MYH16: variants seen among roughly 807,000 people sequenced by gnomAD.
MYH16 encodes putative uncharacterized protein MYH16.
chr7:99,261,322 C>G (rs1232875519), intron 12 of MYH16: 2 of 152,728 alleles, frequency 1.3e-5, no homozygotes, highest in Non-Finnish European at 1.5e-5. Flanking sequence ...TGTCACTGCA[C>G]AGAGTCCTGC....
chr7:99,289,407 G>A lies in MYH16; in HGVS notation n.3824+3G>A. 2.3e-6 allele frequency: 1 copy of A among 431,018 alleles called. No homozygotes were observed. Among genetic ancestry groups the A allele is most frequent in the Non-Finnish European group, 4.7e-6 (1 of 214,306 alleles). The allele number at this position is 431,018 out of a possible 1,614,324, so 26.7% of individuals were successfully genotyped here. A position where few individuals can be genotyped will look rare whatever the true frequency, so the allele number is the denominator to read the frequency against. Reference sequence around the variant, plus strand: ...TGCCATCAGGACCCGCCTCCAAGGTGAGCCCTCTCCGCCCTGAGCTTGCTA... The same window carrying A: ...TGCCATCAGGACCCGCCTCCAAGGTAAGCCCTCTCCGCCCTGAGCTTGCTA... On this transcript the variant is annotated splice_donor_region_variant and intron_variant and non_coding_transcript_variant, in intron 30 of 41. Coordinates refer to ENST00000439784, the Ensembl canonical transcript of MYH16.
intron 11 of MYH16, chr7:99,258,540 T>A (rs897964427): frequency 6.6e-6 from 1 of 152,364 alleles, no homozygotes; most frequent in African/African-American, 2.4e-5. Flanking sequence ...GATCTCTGAC[T>A]TTTGGACTCC....
intron 18 of MYH16, among the ~76,000 whole-genome samples, chr7:99,268,004 A>G (rs1463040518): frequency 6.6e-6 from 1 of 152,204 alleles, no homozygotes; most frequent in Non-Finnish European, 1.5e-5. Context: ...CCTCTAATGC[A>G]TCTGGTCACT....
chr7:99,308,245 A>C (rs1299194179), downstream of MYH16, among the ~76,000 whole-genome samples: 1 of 146,486 alleles, frequency 6.8e-6, no homozygotes, highest in Non-Finnish European at 1.5e-5. Context: ...CAGTGAGCCA[A>C]GATCACGCCA....
intron 18 of MYH16, among the ~76,000 whole-genome samples, chr7:99,270,362 C>T (rs1393978185): frequency 6.7e-6 from 1 of 148,970 alleles, no homozygotes; most frequent in Admixed American, 6.7e-5. Flanking sequence ...TGCTCTGTTG[C>T]CCAGGCTGGA....
At chr7:99,260,901 C>T (rs1030297786) in intron 12 of MYH16, 36 of 152,092 alleles carry the variant, frequency 2.4e-4, no homozygotes, top group African/African-American at 8.7e-4. Flanking sequence ...GGTGAAACCT[C>T]ATCTCTAATA....
intron 30 of MYH16, chr7:99,290,919 A>G (rs1423867168): frequency 1.3e-5 from 2 of 152,552 alleles, no homozygotes; most frequent in Non-Finnish European, 2.9e-5. Flanking sequence ...CAGGCTCATG[A>G]ACTTCTTCCT....
At chr7:99,253,947 G>A (rs1433333071) in intron 8 of MYH16, 1 of 152,306 alleles carries the variant, frequency 6.6e-6, no homozygotes, top group African/African-American at 2.4e-5. Flanking sequence ...AATGTCTTCA[G>A]TTTAAAGTGA....
Position 99,254,579 on chromosome 7 carries a change from C to T in MYH16, n.892+754C>T, listed in dbSNP as rs367966492. Among the ~76,000 whole-genome samples the T allele has an allele frequency of 3.3e-5, 5 of 152,336 alleles. No individual in the cohort carries two copies. The East Asian group carries it at 5.8e-4, about 18-fold the overall frequency. On this transcript the variant is annotated intron_variant and non_coding_transcript_variant, in intron 8 of 41. Coordinates refer to ENST00000439784, the Ensembl canonical transcript of MYH16. ...GTAGACACAGCCCACACCAGGCACA[C>T]AGCTCAGAAAGTGGAGTACACTCAC...
chr7:99,296,239 T>C (rs1792489257), intron 33 of MYH16, among the ~76,000 whole-genome samples: 1 of 150,740 alleles, frequency 6.6e-6, no homozygotes, highest in South Asian at 2.1e-4. Flanking sequence ...AAAGCTAATA[T>C]AGCACAACAG....
intron 15 of MYH16, among the ~76,000 whole-genome samples, chr7:99,264,786 C>A (rs2150812925): frequency 6.6e-6 from 1 of 152,274 alleles, no homozygotes; most frequent in South Asian, 2.1e-4. Context: ...GCTTTGCCCA[C>A]ACAGACCCTA....
chr7:99,297,048 G>T, intron 34 of MYH16, 131 bp downstream of exon 15: 1 of 368,222 alleles, frequency 2.7e-6, no homozygotes, highest in Non-Finnish European at 5.4e-6. Context: ...TGACTTTCTA[G>T]CAAGTGCTTT....
Position 99,297,891 on chromosome 7 carries a change from G to A in MYH16, n.4637-1G>A, listed in dbSNP as rs541323160. On this transcript the variant is annotated splice_acceptor_variant and non_coding_transcript_variant, in intron 35 of 41. Coordinates refer to ENST00000439784, the Ensembl canonical transcript of MYH16. ...AAGACTCATGGTTATATTTCTGGTA[G>A]GTTGAAGAGAGCAAGGTGATTCGAA... The A allele has an allele frequency of 2.2e-6, 1 of 456,734 alleles. No individual in the cohort carries two copies. Among genetic ancestry groups the A allele is most frequent in the Non-Finnish European group, 4.4e-6 (1 of 226,974 alleles). The allele number at this position is 456,734 out of a possible 1,614,324, so 28.3% of individuals were successfully genotyped here. A position where few individuals can be genotyped will look rare whatever the true frequency, so the allele number is the denominator to read the frequency against.
At chr7:99,270,323 A>T (rs1473635973) in intron 18 of MYH16, among the ~76,000 whole-genome samples, 33 of 136,250 alleles carry the variant, frequency 2.4e-4, no homozygotes, top group East Asian at 6.6e-4. Flanking sequence ...AGAAAAAAAA[A>T]TTTTTTTTTT....
At chr7:99,288,044 G>C (rs1394360090) in exon 29 of MYH16, 1 of 456,802 alleles carries the variant, frequency 2.2e-6, no homozygotes, top group Admixed American at 2.3e-5. Flanking sequence ...AGAGCCTGCA[G>C]AGGGTCAAGT....
At chr7:99,244,881 G>A (rs1791710063) in intron 2 of MYH16, among the ~76,000 whole-genome samples, 1 of 152,232 alleles carries the variant, frequency 6.6e-6, no homozygotes, top group African/African-American at 2.4e-5. Context: ...TTCCTCCTGG[G>A]TGACCACATC....
chr7:99,257,049 C>G (rs529939676), intron 9 of MYH16, among the ~76,000 whole-genome samples: 1 of 152,344 alleles, frequency 6.6e-6, no homozygotes, highest in Admixed American at 6.5e-5. Flanking sequence ...CTGATCTATC[C>G]TTATCATCAT....
intron 20 of MYH16, 129 bp from the exon 3 acceptor site, chr7:99,277,410 A>G (rs917907175): frequency 1.7e-5 from 6 of 346,062 alleles, no homozygotes; most frequent in African/African-American, 1.3e-4. Context: ...CCGCAGAGCT[A>G]CAGCAAGAGC....
intron 19 of MYH16, among the ~76,000 whole-genome samples, chr7:99,272,378 C>G (rs952554989): frequency 1.3e-5 from 2 of 152,090 alleles, no homozygotes. Flanking sequence ...CTCAGCAATT[C>G]TCACTCCACA....
Sources: gnomAD v4.1 joint callset for allele counts (sites outside exome capture counted in the v4.1 genomes callset) on GRCh38, gnomAD v4.1.1 for gene constraint, MANE v1.5 for transcripts, NCBI Gene and HGNC (gene_info 2026-07-23, HGNC 2026-07-21) for gene names.